The following HSD17B4 variants were observed in gnomAD, a reference collection of about 807,000 sequenced individuals.
The protein encoded by HSD17B4 is peroxisomal multifunctional enzyme type 2.
A neutral mutation model predicts 101.0 loss-of-function variants in HSD17B4; 70 were observed. The ratio of observed to expected loss-of-function variants is 0.69; its 90% CI spans 0.57 to 0.85. HSD17B4 has a LOEUF of 0.85. HSD17B4 is among the 40% of genes least tolerant of loss of function. The probability of loss-of-function intolerance (pLI) is 0.00; values close to 1 mark genes in which losing one functional copy is unlikely to be tolerated. For missense variants in HSD17B4, 984 were observed against 892.4 expected (o/e 1.10, Z -1.31); for synonymous variants, 347 against 297.1 (o/e 1.17, Z -1.73).
intron 8 of HSD17B4, among the ~76,000 whole-genome samples, chr5:119,488,551 T>C (rs1173983848): frequency 1.3e-5 from 2 of 152,166 alleles, no homozygotes; most frequent in Non-Finnish European, 2.9e-5. Flanking sequence ...GTTACCCTGA[T>C]TTGGTCGTTA....
chr5:119,532,041 A>G (rs1754160323), intron 22 of HSD17B4, among the ~76,000 whole-genome samples: 1 of 152,188 alleles, frequency 6.6e-6, no homozygotes, highest in African/African-American at 2.4e-5. Flanking sequence ...AAGAAAGAGA[A>G]ATTAGAGGAT....
intron 8 of HSD17B4, among the ~76,000 whole-genome samples, chr5:119,486,742 A>G (rs1749645481): frequency 6.6e-6 from 1 of 152,164 alleles, no homozygotes; most frequent in Non-Finnish European, 1.5e-5. Context: ...TGTGTTCTGG[A>G]TTACAAGAAC....
At chr5:119,492,147 T>G (rs6895345) in intron 10 of HSD17B4, 23 bp downstream of exon 10, 4 of 1,579,204 alleles carry the variant, frequency 2.5e-6, no homozygotes, top group Non-Finnish European at 3.5e-6. Context: ...CAGTTTTTGG[T>G]TTGTATAGAT....
chr5:119,486,439 A>C (rs551017977), intron 8 of HSD17B4, among the ~76,000 whole-genome samples: 2 of 152,222 alleles, frequency 1.3e-5, no homozygotes, highest in African/African-American at 2.4e-5. Context: ...CCCAGGAGGT[A>C]ATCACTTAAA....
intron 9 of HSD17B4, among the ~76,000 whole-genome samples, chr5:119,490,243 A>G (rs1238991455): frequency 6.6e-6 from 1 of 152,194 alleles, no homozygotes; most frequent in Non-Finnish European, 1.5e-5. Flanking sequence ...GAATTGTGGC[A>G]TAGTAGAGGT....
intron 1 of HSD17B4, among the ~76,000 whole-genome samples, chr5:119,453,757 G>C (rs1185564066): frequency 2.0e-5 from 3 of 152,178 alleles, no homozygotes; most frequent in Non-Finnish European, 2.9e-5. Context: ...ATAGCTGTCT[G>C]GTTATCTCTG....
At chr5:119,501,430 T>C (rs1751155810) in intron 13 of HSD17B4, among the ~76,000 whole-genome samples, 1 of 152,178 alleles carries the variant, frequency 6.6e-6, no homozygotes, top group South Asian at 2.1e-4. Context: ...TCCTGTCCTG[T>C]TGTTTTCCTA....
At chr5:119,472,225 T>G (rs1756444292) in intron 2 of HSD17B4, among the ~76,000 whole-genome samples, 1 of 152,194 alleles carries the variant, frequency 6.6e-6, no homozygotes, top group African/African-American at 2.4e-5. Context: ...CTCATGCGTG[T>G]TTCTTTTAAA....
At chr5:119,517,692 G>A (rs1369329773) in intron 17 of HSD17B4, among the ~76,000 whole-genome samples, 1 of 152,238 alleles carries the variant, frequency 6.6e-6, no homozygotes. Flanking sequence ...CTCAGGGTTT[G>A]TGAATGCACC....
intron 22 of HSD17B4, among the ~76,000 whole-genome samples, chr5:119,534,310 C>T (rs550522634): frequency 1.6e-4 from 24 of 152,108 alleles, no homozygotes; most frequent in African/African-American, 5.5e-4. Context: ...TTAAAAGGCA[C>T]GTACTATAAT....
chr5:119,476,511 G>C (rs750727463), intron 6 of HSD17B4: 1 of 934,046 alleles, frequency 1.1e-6, no homozygotes. Context: ...TGAAACAATT[G>C]TATCATTGTT....
chr5:119,502,815 AT>A (rs1276957760), intron 14 of HSD17B4, among the ~76,000 whole-genome samples: 4 of 152,082 alleles, frequency 2.6e-5, no homozygotes, highest in Non-Finnish European at 5.9e-5. Context: ...TGAGATTTTT[AT>A]TGCTTGAAGC....
At chr5:119,526,525 T>A (rs1392674614) in intron 19 of HSD17B4, among the ~76,000 whole-genome samples, 2 of 151,926 alleles carry the variant, frequency 1.3e-5, no homozygotes, top group Non-Finnish European at 2.9e-5. Flanking sequence ...TTTGTGTATG[T>A]TTAAGCCAAA....
intron 10 of HSD17B4, chr5:119,492,418 T>A: frequency 2.8e-6 from 1 of 352,732 alleles, no homozygotes; most frequent in Admixed American, 4.1e-5. Context: ...TTGATAATCA[T>A]CCTCCCATGT....
At chr5:119,494,553 A>G (rs759339697) in intron 11 of HSD17B4, among the ~76,000 whole-genome samples, 1 of 151,984 alleles carries the variant, frequency 6.6e-6, no homozygotes. Flanking sequence ...ATGCTTCTTT[A>G]GAAAAACTCA....
At chr5:119,497,211 G>GT (rs1244223987) in intron 12 of HSD17B4, among the ~76,000 whole-genome samples, 1 of 149,090 alleles carries the variant, frequency 6.7e-6, no homozygotes, top group African/African-American at 2.6e-5. Context: ...GGCTCCATTG[G>GT]GGGGTGTGAT....
chr5:119,499,883 A>G (rs992113438), intron 13 of HSD17B4, among the ~76,000 whole-genome samples: 1 of 152,192 alleles, frequency 6.6e-6, no homozygotes, highest in African/African-American at 2.4e-5. Context: ...TAAAATGGAT[A>G]TGATAATCCT....
intron 14 of HSD17B4, among the ~76,000 whole-genome samples, chr5:119,502,629 T>TA (rs1283031021): frequency 3.3e-5 from 5 of 152,154 alleles, no homozygotes; most frequent in Non-Finnish European, 7.4e-5. Context: ...TTTATTTCTC[T>TA]ACTTTGATGT....
intron 17 of HSD17B4, among the ~76,000 whole-genome samples, chr5:119,515,697 C>G (rs1188266309): frequency 3.9e-5 from 6 of 152,160 alleles, no homozygotes; most frequent in Non-Finnish European, 4.4e-5. Flanking sequence ...AGATTCTTCT[C>G]TAAGATGGCT....
Sources: allele counts gnomAD v4.1 joint callset (sites outside exome capture counted in the v4.1 genomes callset), GRCh38; gene constraint gnomAD v4.1.1; transcripts MANE v1.5; gene names NCBI Gene and HGNC (gene_info 2026-07-23, HGNC 2026-07-21).